The following NAALADL2 variants were observed in gnomAD, a reference collection of about 807,000 sequenced individuals.
The protein encoded by NAALADL2 is N-acetylated alpha-linked acidic dipeptidase like 2.
A neutral mutation model predicts 87.2 loss-of-function variants in NAALADL2; 76 were observed. The observed-to-expected ratio is 0.87, with a 90% CI of 0.72 to 1.05. The LOEUF is 1.05. Ranked by LOEUF, NAALADL2 falls within the 50% of genes least tolerant of loss-of-function variation. The pLI is 0.00. For synonymous variants in NAALADL2, 354 were observed against 331.0 expected (o/e 1.07, Z -0.75); for missense variants, 1,089 against 945.8 (o/e 1.15, Z -1.99).
At chr3:175,111,266 A>C (rs1241214404) in intron 2 of NAALADL2, among the ~76,000 whole-genome samples, 1 of 151,738 alleles carries the variant, frequency 6.6e-6, no homozygotes, top group Admixed American at 6.6e-5. Flanking sequence ...GAGCTACAAC[A>C]CTTAGCAGAA....
At chr3:175,275,161 G>A (rs1283520036) in intron 4 of NAALADL2, among the ~76,000 whole-genome samples, 1 of 152,038 alleles carries the variant, frequency 6.6e-6, no homozygotes, top group Non-Finnish European at 1.5e-5. Flanking sequence ...AGTACAATGG[G>A]GGGTAGAAAT....
intron 2 of NAALADL2, among the ~76,000 whole-genome samples, chr3:174,588,153 T>C (rs1356247491): frequency 1.3e-5 from 2 of 152,212 alleles, no homozygotes; most frequent in East Asian, 3.9e-4. Flanking sequence ...TTTCTTTTAC[T>C]TGATCGTATC....
chr3:175,260,033 A>T (rs1485826689), intron 4 of NAALADL2, among the ~76,000 whole-genome samples: 1 of 152,184 alleles, frequency 6.6e-6, no homozygotes, highest in African/African-American at 2.4e-5. Flanking sequence ...ATTAAAAAAA[A>T]AAATTCTAAC....
At chr3:175,482,700 C>A (rs1276369644) in intron 9 of NAALADL2, among the ~76,000 whole-genome samples, 1 of 151,800 alleles carries the variant, frequency 6.6e-6, no homozygotes, top group Non-Finnish European at 1.5e-5. Context: ...TTGAGATTAT[C>A]TCTCCCTTTC....
chr3:175,236,949 G>T (rs942241111), intron 3 of NAALADL2, among the ~76,000 whole-genome samples: 25 of 152,012 alleles, frequency 1.6e-4, no homozygotes, highest in African/African-American at 6.0e-4. Context: ...CAATTAGATA[G>T]CCTCACCTTC....
At chr3:175,657,856 G>A (rs928070229) in intron 11 of NAALADL2, among the ~76,000 whole-genome samples, 1 of 151,956 alleles carries the variant, frequency 6.6e-6, no homozygotes, top group Non-Finnish European at 1.5e-5. Context: ...GATTACAGGC[G>A]TGAGCCACCG....
intron 3 of NAALADL2, among the ~76,000 whole-genome samples, chr3:174,849,183 T>G (rs957584830): frequency 6.6e-6 from 1 of 152,196 alleles, no homozygotes; most frequent in Non-Finnish European, 1.5e-5. Context: ...CTATGGACTT[T>G]ATAAACACTG....
Position 175,646,398 on chromosome 3 carries a change from A to G in NAALADL2, c.1896+19012A>G, listed in dbSNP as rs141849949. Among the ~76,000 whole-genome samples, 240 of 152,234 alleles carry G rather than the reference A, an allele frequency of 1.6e-3. 5 individuals carry two copies. The East Asian group carries it at 0.041, about 26-fold the overall frequency. On this transcript the variant is annotated intron_variant, in intron 11 of 13. Transcript: ENST00000454872. ...TAATATCTATTTTATATTAAAATGT[A>G]CCCATTGTCTTCCATATCACTTATG...
At chr3:175,605,727 C>G (rs183427290) in intron 10 of NAALADL2, among the ~76,000 whole-genome samples, 2 of 144,308 alleles carry the variant, frequency 1.4e-5, no homozygotes, top group African/African-American at 5.1e-5. Context: ...TTTTTTTAAA[C>G]CTGTATTTAG....
chr3:175,085,745 C>T (rs952149847), intron 1 of NAALADL2, among the ~76,000 whole-genome samples: 3 of 152,140 alleles, frequency 2.0e-5, no homozygotes, highest in African/African-American at 7.2e-5. Context: ...TGGTGAAACC[C>T]TGTCTCTACT....
chr3:174,996,882 A>T (rs201803718), intron 1 of NAALADL2, among the ~76,000 whole-genome samples: 1 of 152,042 alleles, frequency 6.6e-6, no homozygotes, highest in African/African-American at 2.4e-5. Flanking sequence ...ATGAGAACAT[A>T]CAATATTTGG....
At chr3:175,518,128 C>T (rs970695402) in intron 9 of NAALADL2, among the ~76,000 whole-genome samples, 1 of 152,194 alleles carries the variant, frequency 6.6e-6, no homozygotes, top group Non-Finnish European at 1.5e-5. Context: ...GGTTGCTCGT[C>T]TATGTTTACA....
intron 1 of NAALADL2, among the ~76,000 whole-genome samples, chr3:174,875,722 T>A (rs1728422442): frequency 6.6e-6 from 1 of 152,148 alleles, no homozygotes; most frequent in Admixed American, 6.5e-5. Context: ...TCTGTGTTTA[T>A]AACATTGTAA....
chr3:175,182,440 T>G (rs1390973613), intron 2 of NAALADL2, among the ~76,000 whole-genome samples: 1 of 151,644 alleles, frequency 6.6e-6, no homozygotes, highest in Non-Finnish European at 1.5e-5. Context: ...CAGGCTGGAG[T>G]GCAGTGACAT....
chr3:174,629,047 C>A (rs1418363418), intron 2 of NAALADL2, among the ~76,000 whole-genome samples: 1 of 152,148 alleles, frequency 6.6e-6, no homozygotes, highest in African/African-American at 2.4e-5. Flanking sequence ...ATAAAAAATT[C>A]TATTAAATGA....
chr3:175,470,007 G>T (rs577661014), intron 8 of NAALADL2, among the ~76,000 whole-genome samples: 1 of 152,098 alleles, frequency 6.6e-6, no homozygotes, highest in African/African-American at 2.4e-5. Flanking sequence ...TCTTTCAGAG[G>T]TATGGCTGAA....
intron 2 of NAALADL2, among the ~76,000 whole-genome samples, chr3:175,173,438 G>C (rs1251281775): frequency 1.3e-5 from 2 of 152,132 alleles, no homozygotes; most frequent in African/African-American, 2.4e-5. Flanking sequence ...GGAGGCAGGG[G>C]TTGCAGTGAG....
In NAALADL2 at chr3:175,463,286, A is replaced by T. The variant is rs572481983; in HGVS notation, c.1235-115A>T. On this transcript the variant is annotated intron_variant, in intron 6 of 13. Transcript: ENST00000454872. ...AAAAAGTATAACTGGCTATCTGAGA[A>T]CATTCAATTCTGTGGAATTCTTTTG... The T allele has an allele frequency of 1.9e-5, 12 of 617,534 alleles. No individual in the cohort carries two copies. The East Asian group carries it at 3.2e-4, about 16-fold the overall frequency. 38.3% of individuals were successfully genotyped at this position (617,534 alleles called of 1,614,324 possible).
intron 12 of NAALADL2, among the ~76,000 whole-genome samples, chr3:175,740,844 G>A (rs1349933554): frequency 2.0e-5 from 3 of 152,064 alleles, no homozygotes; most frequent in Non-Finnish European, 4.4e-5. Flanking sequence ...TTTGCACTGC[G>A]GACTCGCCCT....
Sources: gnomAD v4.1 joint callset for allele counts (sites outside exome capture counted in the v4.1 genomes callset) on GRCh38, gnomAD v4.1.1 for gene constraint, MANE v1.5 for transcripts, NCBI Gene and HGNC (gene_info 2026-07-23, HGNC 2026-07-21) for gene names.